CNTN4: variants seen among roughly 807,000 people sequenced by gnomAD.
CNTN4 encodes contactin 4, also known as contactin-4.
Under a neutral mutation model 122.5 loss-of-function variants are expected in CNTN4, and 77 were observed. The ratio of observed to expected loss-of-function variants is 0.63; its 90% CI spans 0.52 to 0.76. CNTN4 has a LOEUF of 0.76. Ranked by LOEUF, CNTN4 falls within the 30% of genes least tolerant of loss-of-function variation. The pLI, the probability that CNTN4 is intolerant of heterozygous loss-of-function variation, is 0.00. For synonymous variants in CNTN4, 512 were observed against 447.0 expected (o/e 1.15, Z -1.83); for missense variants, 1,256 against 1,259.1 (o/e 1.00, Z 0.04).
chr3:2,572,334 C>A lies in CNTN4; in HGVS notation c.55+776C>A, dbSNP rs572319063. Among the ~76,000 whole-genome samples, 9 of 152,176 alleles carry A rather than the reference C, an allele frequency of 5.9e-5. No individual in the cohort carries two copies. The East Asian group carries it at 1.7e-3, about 29-fold the overall frequency. ...CCAGAAGGCGAAGGTTGCAGTGAGC[C>A]GAGATCGCGCCATTGCACTCCAGCC... On this transcript the variant is annotated intron_variant, in intron 4 of 24. Coordinates refer to ENST00000418658, the MANE Select transcript of CNTN4 (RefSeq NM_175607.3).
intron 2 of CNTN4, among the ~76,000 whole-genome samples, chr3:2,253,450 G>A (rs576449240): frequency 6.7e-4 from 102 of 152,150 alleles, no homozygotes; most frequent in African/African-American, 2.2e-3. Flanking sequence ...CAAATATTCT[G>A]CCACACGATT....
intron 4 of CNTN4, among the ~76,000 whole-genome samples, chr3:2,686,056 C>T (rs1405232355): frequency 6.6e-6 from 1 of 152,160 alleles, no homozygotes; most frequent in East Asian, 1.9e-4. Context: ...AAAAGAAATA[C>T]ATCCTGTACA....
chr3:2,168,343 T>C (rs906606561), intron 2 of CNTN4, among the ~76,000 whole-genome samples: 18 of 152,296 alleles, frequency 1.2e-4, no homozygotes, highest in African/African-American at 4.3e-4. Flanking sequence ...GAAATTAAAA[T>C]TAAACTTGTG....
intron 5 of CNTN4, among the ~76,000 whole-genome samples, chr3:2,740,353 C>T (rs1021209439): frequency 6.6e-6 from 1 of 151,948 alleles, no homozygotes; most frequent in Non-Finnish European, 1.5e-5. Flanking sequence ...GAGCAGGAAC[C>T]GGTCTCTAAA....
At chr3:2,896,611 A>T (rs2094117557) in intron 10 of CNTN4, among the ~76,000 whole-genome samples, 2 of 152,302 alleles carry the variant, frequency 1.3e-5, no homozygotes, top group Non-Finnish European at 2.9e-5. Context: ...CTTAAGTAGC[A>T]TTGGAAAATG....
At chr3:2,820,957 C>CTTTT (rs1435679583) in intron 7 of CNTN4, among the ~76,000 whole-genome samples, 10 of 70,644 alleles carry the variant, frequency 1.4e-4, no homozygotes, top group African/African-American at 4.5e-4. Flanking sequence ...AACATTTTCT[C>CTTTT]TTTCTTTTTT....
chr3:2,673,535 G>T (rs1167142716), intron 4 of CNTN4, among the ~76,000 whole-genome samples: 2 of 151,926 alleles, frequency 1.3e-5, no homozygotes, highest in East Asian at 3.9e-4. Flanking sequence ...CTGAGGCTCA[G>T]TTTTTTGTTT....
At chr3:2,641,169 T>G (rs562661468) in intron 4 of CNTN4, among the ~76,000 whole-genome samples, 4 of 152,290 alleles carry the variant, frequency 2.6e-5, no homozygotes, top group African/African-American at 9.6e-5. Flanking sequence ...CATTACATTT[T>G]AATGATGGAT....
intron 3 of CNTN4, among the ~76,000 whole-genome samples, chr3:2,461,239 T>C (rs929398785): frequency 2.6e-5 from 4 of 152,200 alleles, no homozygotes; most frequent in Non-Finnish European, 5.9e-5. Flanking sequence ...TACAGATATG[T>C]GTATTTTTAA....
In CNTN4 at chr3:2,623,337, C is replaced by T. The variant is rs182120357; in HGVS notation, c.55+51779C>T. Among the ~76,000 whole-genome samples the T allele has an allele frequency of 2.8e-4, 43 of 151,534 alleles. 1 individual carries two copies. Among genetic ancestry groups the T allele is most frequent in the Admixed American group, 2.6e-3 (40 of 15,200 alleles). On this transcript the variant is annotated intron_variant, in intron 4 of 24. Coordinates refer to ENST00000418658, the MANE Select transcript of CNTN4 (RefSeq NM_175607.3). Reference sequence around the variant, plus strand: ...TATTTTTGTCATTTTAACTCCTCATCCTGAAGCACAGCAATCATTTCTGAG... The same window carrying T: ...TATTTTTGTCATTTTAACTCCTCATTCTGAAGCACAGCAATCATTTCTGAG...
rs185226303 is a variant in CNTN4 at position 2,709,420 on chromosome 3, T to G, written c.56-26795T>G. Among the ~76,000 whole-genome samples the G allele has an allele frequency of 5.3e-5, 8 of 152,116 alleles. No individual in the cohort carries two copies. The East Asian group carries it at 5.8e-4, about 11-fold the overall frequency. ...AAGGGTACAACCTGTGCACCAGGGA[T>G]TTTCAAAGTTCCCTCAGGTGATCAT... On this transcript the variant is annotated intron_variant, in intron 4 of 24. Transcript: ENST00000418658. This position sits in a 1 kb window ranked among gnomAD's most constrained non-coding sequence, Gnocchi z 5.0.
At chr3:2,505,478 T>C (rs1470713195) in intron 3 of CNTN4, among the ~76,000 whole-genome samples, 1 of 152,198 alleles carries the variant, frequency 6.6e-6, no homozygotes, top group Non-Finnish European at 1.5e-5. Flanking sequence ...TTATGTGTTA[T>C]TTTAGACCAA....
chr3:2,214,566 A>C lies in CNTN4; in HGVS notation c.-145+113927A>C, dbSNP rs537331882. Among the ~76,000 whole-genome samples, 3 of 152,336 alleles carry C rather than the reference A, an allele frequency of 2.0e-5. No homozygotes were observed. In the East Asian group the frequency reaches 5.8e-4, roughly 29 times the overall value. On this transcript the variant is annotated intron_variant, in intron 2 of 24. Coordinates refer to ENST00000418658, the MANE Select transcript of CNTN4 (RefSeq NM_175607.3). ...AGATTGAAGGAGAGGAAAATTATGC[A>C]TGACTGAATTTTGACATTATGAGTT...
At chr3:2,467,555 TCTGAGCCA>T (rs1328918440) in intron 3 of CNTN4, among the ~76,000 whole-genome samples, 1 of 152,192 alleles carries the variant, frequency 6.6e-6, no homozygotes, top group Non-Finnish European at 1.5e-5. Context: ...ATTTAATGTC[TCTGAGCCA>T]CTGTTCCCTC....
intron 2 of CNTN4, among the ~76,000 whole-genome samples, chr3:2,189,856 G>A (rs2037445593): frequency 6.6e-6 from 1 of 152,134 alleles, no homozygotes; most frequent in African/African-American, 2.4e-5. Context: ...TTCAGCCAAG[G>A]ACGGATGCCA....
At chr3:2,859,933 G>A (rs774122716) in intron 7 of CNTN4, among the ~76,000 whole-genome samples, 1 of 152,132 alleles carries the variant, frequency 6.6e-6, no homozygotes, top group African/African-American at 2.4e-5. Flanking sequence ...GTAAGAGGGG[G>A]AAGTTATAAG....
chr3:2,131,618 A>T (rs1427562706), intron 2 of CNTN4, among the ~76,000 whole-genome samples: 1 of 152,202 alleles, frequency 6.6e-6, no homozygotes, highest in Non-Finnish European at 1.5e-5. Context: ...TCAGCAAAAG[A>T]TGTGATTCAC....
intron 19 of CNTN4, 60 bp from the exon 20 acceptor site, chr3:3,039,977 G>C (rs938139070): frequency 1.6e-6 from 2 of 1,224,532 alleles, no homozygotes; most frequent in African/African-American, 2.9e-5. Flanking sequence ...AAACAAAAAC[G>C]ATTTTTGCAT....
chr3:2,237,245 C>T (rs924804866), intron 2 of CNTN4, among the ~76,000 whole-genome samples: 2 of 151,924 alleles, frequency 1.3e-5, no homozygotes, highest in African/African-American at 2.4e-5. Context: ...ATGGTCTTGA[C>T]TTAGTGGTGG....
Sources: allele counts gnomAD v4.1 joint callset (sites outside exome capture counted in the v4.1 genomes callset), GRCh38; gene constraint gnomAD v4.1.1; non-coding constraint Gnocchi (gnomAD v3.1); transcripts MANE v1.5; gene names NCBI Gene and HGNC (gene_info 2026-07-23, HGNC 2026-07-21).